Variants in FOXP2 observed in about 807,000 individuals in gnomAD.
FOXP2 encodes forkhead box protein P2.
FOXP2 carries 12 observed loss-of-function variants against 115.8 expected under a neutral mutation model. That is an observed-to-expected ratio of 0.10 (90% CI 0.07 to 0.17). The LOEUF is 0.17. FOXP2 is among the 10% of genes least tolerant of loss of function. The pLI, the probability that FOXP2 is intolerant of heterozygous loss-of-function variation, is 1.00. For missense variants in FOXP2, 629 were observed against 843.5 expected (o/e 0.75, Z 3.15); for synonymous variants, 328 against 297.7 (o/e 1.10, Z -1.05).
intron 2 of FOXP2, among the ~76,000 whole-genome samples, chr7:114,489,622 A>G (rs1796940605): frequency 6.6e-6 from 1 of 151,964 alleles, no homozygotes; most frequent in South Asian, 2.1e-4. Flanking sequence ...GAAACCAGAA[A>G]GGCACACATA....
At chr7:114,535,096 G>A (rs1271954499) in intron 3 of FOXP2, among the ~76,000 whole-genome samples, 2 of 151,714 alleles carry the variant, frequency 1.3e-5, no homozygotes, top group African/African-American at 4.8e-5. Context: ...CCCTTCCGCA[G>A]TTGTATCCAA....
intron 3 of FOXP2, among the ~76,000 whole-genome samples, chr7:114,614,555 A>G (rs145139409): frequency 6.6e-6 from 1 of 152,148 alleles, no homozygotes; most frequent in East Asian, 1.9e-4. Context: ...GTTTTGTCTC[A>G]TTGTTAGGTG....
chr7:114,630,905 C>A, intron 5 of FOXP2: 1 of 153,380 alleles, frequency 6.5e-6, no homozygotes. Flanking sequence ...ACTGCCATCT[C>A]ATACCCTCTG....
At chr7:114,518,341 T>C (rs1485624546) in intron 2 of FOXP2, among the ~76,000 whole-genome samples, 6 of 152,184 alleles carry the variant, frequency 3.9e-5, no homozygotes. Context: ...TTATTTTCCT[T>C]GTATAGGAAA....
At chr7:114,235,833 T>C (rs1423370110) in intron 1 of FOXP2, among the ~76,000 whole-genome samples, 1 of 152,202 alleles carries the variant, frequency 6.6e-6, no homozygotes, top group Non-Finnish European at 1.5e-5. Context: ...CACCTATTAG[T>C]TGTTCATTCT....
chr7:114,676,576 C>A (rs560873240), intron 16 of FOXP2, among the ~76,000 whole-genome samples: 1 of 152,076 alleles, frequency 6.6e-6, no homozygotes, highest in South Asian at 2.1e-4. Flanking sequence ...GAGTAATGAT[C>A]CATGATTACT....
At chr7:114,452,005 AC>A (rs1244941053) in intron 2 of FOXP2, among the ~76,000 whole-genome samples, 2 of 151,964 alleles carry the variant, frequency 1.3e-5, no homozygotes. Context: ...AATTCCTTAA[AC>A]TTTCTTATTT....
At chr7:114,642,812 AT>A (rs869136743) in intron 7 of FOXP2, among the ~76,000 whole-genome samples, 189 bp downstream of exon 7, 81 of 72,412 alleles carry the variant, frequency 1.1e-3, no homozygotes, top group African/African-American at 5.5e-3. Flanking sequence ...ATATATATAT[AT>A]TTTTTTTTTT....
At chr7:114,312,504 A>G (rs1797171685) in intron 2 of FOXP2, among the ~76,000 whole-genome samples, 3 of 152,116 alleles carry the variant, frequency 2.0e-5, no homozygotes, top group Non-Finnish European at 4.4e-5. Context: ...TGTTCCAGCA[A>G]ACCGTGTCTC....
At chr7:114,541,904 T>C (rs1799682786) in intron 3 of FOXP2, among the ~76,000 whole-genome samples, 1 of 151,980 alleles carries the variant, frequency 6.6e-6, no homozygotes, top group African/African-American at 2.4e-5. Flanking sequence ...GGGAGCTCTC[T>C]ATAGGATTTA....
rs537153936 is a variant in FOXP2, at chr7:114,211,511, A to C, written c.-102+48423A>C. Among the ~76,000 whole-genome samples the C allele has an allele frequency of 5.2e-4, 79 of 152,302 alleles. 3 individuals are homozygous for C. The South Asian group carries it at 0.016, about 32-fold the overall frequency. On this transcript the variant is annotated intron_variant, in intron 1 of 17. Transcript: ENST00000634411. ...CACCCCTGGGTTGAGCTGTTTGCCT[A>C]GTCAGTCCCAATGGGAGAACTTGGA...
intron 8 of FOXP2, among the ~76,000 whole-genome samples, chr7:114,650,777 C>T (rs1332782113): frequency 1.3e-5 from 2 of 151,912 alleles, no homozygotes; most frequent in Non-Finnish European, 2.9e-5. Context: ...TCAGCTTGAC[C>T]TTATCCACCT....
chr7:114,385,769 C>A (rs1262074020), intron 2 of FOXP2, among the ~76,000 whole-genome samples: 1 of 152,096 alleles, frequency 6.6e-6, no homozygotes, highest in African/African-American at 2.4e-5. Flanking sequence ...CCTTCGTGGT[C>A]GCCAAAATGT....
chr7:114,111,341 C>T lies in FOXP2; in HGVS notation c.-247+23503C>T, dbSNP rs999152699. 3.9e-5 allele frequency among the ~76,000 whole-genome samples: 6 copies of T among 152,090 alleles called. No individual in the cohort carries two copies. In the South Asian group the frequency reaches 8.3e-4, roughly 21 times the overall value. ...CTCCTTCCTTAAAGATTAAAGATCA[C>T]GTGGAGAGACTTACCACAAGGGCCC... On this transcript the variant is annotated intron_variant, in intron 1 of 19. Transcript: ENST00000635638.
At chr7:114,120,761 T>C (rs903974864) in intron 1 of FOXP2, among the ~76,000 whole-genome samples, 4 of 151,952 alleles carry the variant, frequency 2.6e-5, no homozygotes, top group African/African-American at 9.7e-5. Context: ...ACCGCAGTTA[T>C]ATGAGAAAAG....
chr7:114,103,014 G>A (rs2129140965), intron 1 of FOXP2, among the ~76,000 whole-genome samples: 1 of 152,132 alleles, frequency 6.6e-6, no homozygotes, highest in African/African-American at 2.4e-5. Flanking sequence ...GGATAATAAA[G>A]TACAATGACC....
At chr7:114,221,564 C>G (rs1794622163) in intron 1 of FOXP2, among the ~76,000 whole-genome samples, 1 of 152,180 alleles carries the variant, frequency 6.6e-6, no homozygotes, top group South Asian at 2.1e-4. Context: ...TCCATTACCC[C>G]CCTCCCCCAG....
intron 2 of FOXP2, among the ~76,000 whole-genome samples, chr7:114,452,814 G>A (rs973690048): frequency 6.6e-6 from 1 of 151,940 alleles, no homozygotes; most frequent in African/African-American, 2.4e-5. Context: ...TGGCATTCTT[G>A]TTTGGTTTTC....
chr7:114,413,207 T>G (rs1237200109), upstream of FOXP2, among the ~76,000 whole-genome samples: 1 of 152,156 alleles, frequency 6.6e-6, no homozygotes, highest in African/African-American at 2.4e-5. Context: ...TTTGTGTCAT[T>G]GTATACATTA....
Sources: gnomAD v4.1 joint callset for allele counts (sites outside exome capture counted in the v4.1 genomes callset) on GRCh38, gnomAD v4.1.1 for gene constraint, MANE v1.5 for transcripts, NCBI Gene and HGNC (gene_info 2026-07-23, HGNC 2026-07-21) for gene names.